The following TRAPPC9 variants were observed in gnomAD, a reference collection of about 807,000 sequenced individuals.
TRAPPC9 encodes IKK2 binding protein.
In TRAPPC9, 83 loss-of-function variants were observed where a neutral mutation model predicts 124.0. That is an observed-to-expected ratio of 0.67 (90% confidence interval 0.56 to 0.80). The LOEUF is 0.80. TRAPPC9 is among the 30% of genes least tolerant of loss of function. The probability of loss-of-function intolerance (pLI) is 0.00; values close to 1 mark genes in which losing one functional copy is unlikely to be tolerated. For synonymous variants in TRAPPC9, 638 were observed against 617.5 expected, an observed-to-expected ratio of 1.03 and a Z score of -0.49; for missense variants, 1,302 against 1,508.3, an observed-to-expected ratio of 0.86 and a Z score of 2.27.
Position 139,926,606 on chromosome 8 carries a change from AT to A in TRAPPC9, c.2811-16307del, listed in dbSNP as rs1180543426. On this transcript the variant is annotated intron_variant, in intron 19 of 22. Transcript: ENST00000438773. ...CAACTTAAAAATACAATGAATTAAA[AT>A]AAAAAAAAAAAAAAAACTCCTGAAT... 1.5e-3 allele frequency among the ~76,000 whole-genome samples: 181 copies of A among 123,332 alleles called. 3 individuals are homozygous for A. Among genetic ancestry groups the A allele is most frequent in the African/African-American group, 5.3e-3 (160 of 30,304 alleles). The allele number at this position is 123,332 out of a possible 152,430, so 80.9% of individuals were successfully genotyped here.
chr8:140,341,967 G>A (rs2132062856), intron 9 of TRAPPC9, among the ~76,000 whole-genome samples: 1 of 152,380 alleles, frequency 6.6e-6, no homozygotes, highest in South Asian at 2.1e-4. Flanking sequence ...GATTGCTGCA[G>A]ATAAACACCT....
intron 19 of TRAPPC9, chr8:139,932,243 C>T (rs928676550): frequency 2.0e-5 from 9 of 443,172 alleles, no homozygotes; most frequent in Non-Finnish European, 3.2e-5. Flanking sequence ...GCCGTGCAGC[C>T]GAGGGAGTCC....
At chr8:140,322,065 C>T (rs1016417113) in intron 9 of TRAPPC9, among the ~76,000 whole-genome samples, 10 of 152,184 alleles carry the variant, frequency 6.6e-5, no homozygotes, top group Non-Finnish European at 1.2e-4. Flanking sequence ...GAGTGCAAGG[C>T]AGTACCCTGT....
chr8:140,031,244 T>G (rs749479240), intron 17 of TRAPPC9, among the ~76,000 whole-genome samples: 4 of 152,194 alleles, frequency 2.6e-5, no homozygotes, highest in Non-Finnish European at 4.4e-5. Flanking sequence ...TAAAGCTTCA[T>G]GTGACCTGGG....
intron 15 of TRAPPC9, among the ~76,000 whole-genome samples, chr8:140,274,219 G>GA (rs370765991): frequency 0.021 from 3,155 of 148,212 alleles, 108 homozygotes; most frequent in African/African-American, 0.071. Flanking sequence ...AAGGAAAAAG[G>GA]AAAAAAAAAA....
chr8:140,191,437 G>C (rs976980079), intron 17 of TRAPPC9, among the ~76,000 whole-genome samples: 3 of 152,130 alleles, frequency 2.0e-5, no homozygotes, highest in Admixed American at 1.3e-4. Flanking sequence ...TGGATCATGA[G>C]GGACCAATCC....
rs536952038 is a variant in TRAPPC9, at chr8:140,221,214, C to T, written c.2556+245G>A. Among the ~76,000 whole-genome samples the T allele has an allele frequency of 4.6e-5, 7 of 152,302 alleles. No homozygotes were observed. The South Asian group carries it at 1.5e-3, about 32-fold the overall frequency. On this transcript the variant is annotated intron_variant, in intron 17 of 22. Transcript: ENST00000438773. The stretch of plus-strand genomic sequence containing the variant: ...GAGAGTCTGCTTTAATCACCGCACG[C>T]CTGGATTCAGCCCACGGAATCTCCG...
At chr8:139,929,258 T>C (rs1587248460) in intron 19 of TRAPPC9, among the ~76,000 whole-genome samples, 1 of 152,346 alleles carries the variant, frequency 6.6e-6, no homozygotes, top group African/African-American at 2.4e-5. Flanking sequence ...TAAACAACGA[T>C]GTCTCTAAAG....
At chr8:140,202,095 C>T (rs1643955247) in intron 17 of TRAPPC9, among the ~76,000 whole-genome samples, 1 of 151,766 alleles carries the variant, frequency 6.6e-6, no homozygotes, top group Admixed American at 6.6e-5. Context: ...GCCTCAGTTT[C>T]CTCATTCCAA....
chr8:140,166,895 C>T (rs2061848140), intron 17 of TRAPPC9, among the ~76,000 whole-genome samples: 1 of 152,244 alleles, frequency 6.6e-6, no homozygotes, highest in Non-Finnish European at 1.5e-5. Flanking sequence ...CCCAGCTGAG[C>T]CAAGAACTGG....
At chr8:139,919,168 G>A (rs989369016) in intron 19 of TRAPPC9, among the ~76,000 whole-genome samples, 1 of 152,236 alleles carries the variant, frequency 6.6e-6, no homozygotes, top group Non-Finnish European at 1.5e-5. Context: ...TGCCGAGGAA[G>A]GGCATGGGCT....
chr8:140,105,779 G>T (rs542954684), intron 17 of TRAPPC9, among the ~76,000 whole-genome samples: 10 of 152,014 alleles, frequency 6.6e-5, no homozygotes, highest in African/African-American at 7.2e-5. Flanking sequence ...CTCACCCTGT[G>T]GGGGGAGGCT....
intron 19 of TRAPPC9, among the ~76,000 whole-genome samples, chr8:139,930,128 T>G (rs750667509): frequency 2.0e-4 from 30 of 152,218 alleles, no homozygotes; most frequent in Non-Finnish European, 4.1e-4. Context: ...TCACTTCTCT[T>G]ATTTCTGGGA....
Position 139,828,293 on chromosome 8 carries a change from G to A in TRAPPC9, c.3055+57586C>T, listed in dbSNP as rs555368788. 2.2e-3 allele frequency among the ~76,000 whole-genome samples: 336 copies of A among 152,306 alleles called. 1 individual carries two copies. The highest frequency in any genetic ancestry group is 3.4e-3 in the Middle Eastern group (1 of 294). On this transcript the variant is annotated intron_variant, in intron 21 of 22. Transcript: ENST00000438773. The stretch of plus-strand genomic sequence containing the variant: ...TTGTATTGGCTTGTCCTGAACTGGC[G>A]TGAGGACAGAATACCCTCTACTCTG...
At chr8:140,266,335 T>C (rs894634491) in intron 15 of TRAPPC9, among the ~76,000 whole-genome samples, 1 of 151,978 alleles carries the variant, frequency 6.6e-6, no homozygotes, top group Admixed American at 6.6e-5. Flanking sequence ...TGGTGGCTCA[T>C]ACCTGGAGTC....
intron 19 of TRAPPC9, among the ~76,000 whole-genome samples, chr8:139,963,801 A>G (rs944739124): frequency 1.7e-4 from 26 of 150,902 alleles, no homozygotes; most frequent in African/African-American, 6.1e-4. Flanking sequence ...AGTCTCAAAC[A>G]CAAGGATGCT....
chr8:139,985,267 T>A (rs1374111698), intron 19 of TRAPPC9, among the ~76,000 whole-genome samples: 2 of 152,222 alleles, frequency 1.3e-5, no homozygotes, highest in Admixed American at 1.3e-4. Flanking sequence ...CAGGACAAGC[T>A]TAGCAATTTA....
chr8:139,853,175 G>A (rs185976531), intron 21 of TRAPPC9, among the ~76,000 whole-genome samples: 1 of 152,284 alleles, frequency 6.6e-6, no homozygotes, highest in Non-Finnish European at 1.5e-5. Context: ...GTTCCAGATG[G>A]TTCTGGCCAG....
upstream of TRAPPC9, chr8:140,458,444 C>T (rs766773378): frequency 6.3e-6 from 10 of 1,579,440 alleles, no homozygotes; most frequent in Admixed American, 1.8e-5. Flanking sequence ...GTGACCGTGG[C>T]GCGCGCGGCC....
Sources: gnomAD v4.1 joint callset for allele counts (sites outside exome capture counted in the v4.1 genomes callset) on GRCh38, gnomAD v4.1.1 for gene constraint, MANE v1.5 for transcripts, NCBI Gene and HGNC (gene_info 2026-07-23, HGNC 2026-07-21) for gene names.